Variants in CHD2 observed in about 807,000 individuals in gnomAD.
CHD2 encodes chromodomain helicase DNA binding protein 2.
A neutral mutation model predicts 243.9 loss-of-function variants in CHD2; 28 were observed. The observed-to-expected ratio is 0.11, with a 90% confidence interval of 0.09 to 0.16. The LOEUF is 0.16. Among genes scored for constraint, CHD2 ranks in the 10% least tolerant of loss-of-function variants. The probability of loss-of-function intolerance (pLI) is 1.00; values close to 1 mark genes in which losing one functional copy is unlikely to be tolerated. For missense variants in CHD2, 1,386 were observed against 2,209.8 expected, an observed-to-expected ratio of 0.63 and a Z score of 7.47; for synonymous variants, 775 against 779.0, an observed-to-expected ratio of 0.99 and a Z score of 0.09.
At chr15:92,938,881 G>A (rs1225278462) in intron 6 of CHD2, among the ~76,000 whole-genome samples, 1 of 152,160 alleles carries the variant, frequency 6.6e-6, no homozygotes, top group African/African-American at 2.4e-5. Flanking sequence ...AGGGCACACA[G>A]TCTCTCAGGT....
chr15:93,003,546 G>T (rs2054283765), intron 33 of CHD2, among the ~76,000 whole-genome samples: 2 of 146,838 alleles, frequency 1.4e-5, no homozygotes, highest in African/African-American at 2.5e-5. Context: ...CACAACTGTT[G>T]TTAATATTTT....
chr15:92,948,967 C>T lies in CHD2; in HGVS notation c.1393C>T (p.Pro465Ser), dbSNP rs746096912. 2.5e-6 allele frequency: 4 copies of T among 1,613,370 alleles called. No homozygotes were observed. The East Asian group carries it at 6.7e-5, about 27-fold the overall frequency. Residue 465 changes from proline (P) to serine (S), a missense_variant, in exon 13 of 39, where the codon CCA becomes TCA. Physicochemically the swap from Pro to Ser is moderately conservative, Grantham distance 74. Around this residue, in one of 19 missense-constraint regions of CHD2, gnomAD observed 200 missense variants for 292.5 expected, o/e 0.68. Transcript: ENST00000394196. ...TRECKALKQR[P>S]RFVALKKQPA... ...TGTTTTTCAGGCCCTGAAGCAGAGA[C>T]CACGATTTGTAGCTTTAAAGAAACA...
intron 19 of CHD2, among the ~76,000 whole-genome samples, chr15:92,973,083 C>T (rs1191762393): frequency 6.6e-6 from 1 of 152,090 alleles, no homozygotes; most frequent in East Asian, 1.9e-4. Flanking sequence ...TCCAGGAGCC[C>T]AAATCCTAGA....
Position 92,984,795 on chromosome 15 carries a change from C to T in CHD2, c.3237+295C>T, listed in dbSNP as rs547053239. Among the ~76,000 whole-genome samples the T allele has an allele frequency of 7.2e-5, 11 of 152,314 alleles. No individual in the cohort carries two copies. The East Asian group carries it at 1.2e-3, about 16-fold the overall frequency. ...CCTTTGAGTAGTCCTCACAGTTTGG[C>T]TGTTAATTGCCACTGCCTTCAACTT... is the stretch of plus-strand genomic sequence containing the variant. On this transcript the variant is annotated intron_variant, in intron 25 of 38. Coordinates refer to ENST00000394196, the MANE Select transcript of CHD2 (RefSeq NM_001271.4).
chr15:93,016,723 G>C (rs1033337903), intron 37 of CHD2, among the ~76,000 whole-genome samples: 5 of 136,950 alleles, frequency 3.7e-5, no homozygotes, highest in African/African-American at 8.0e-5. Context: ...TGGAGGTTGC[G>C]GTGAGCCAGG....
intron 34 of CHD2, 110 bp from the exon 35 acceptor site, chr15:93,009,035 A>C: frequency 8.2e-7 from 1 of 1,220,948 alleles, no homozygotes; most frequent in Non-Finnish European, 1.1e-6. Flanking sequence ...TTCCTCTAGC[A>C]ATTATATGGC....
intron 2 of CHD2, among the ~76,000 whole-genome samples, chr15:92,919,270 C>T (rs1414731390): frequency 3.3e-5 from 5 of 151,392 alleles, no homozygotes; most frequent in East Asian, 1.9e-4. Context: ...ATTCCTCTTA[C>T]GAGAAGTATG....
intron 16 of CHD2, among the ~76,000 whole-genome samples, chr15:92,960,351 T>C (rs192811861): frequency 1.3e-5 from 2 of 152,328 alleles, no homozygotes; most frequent in East Asian, 3.9e-4. Context: ...CTTATTGTAT[T>C]GGCAGGAACC....
intron 2 of CHD2, among the ~76,000 whole-genome samples, chr15:92,912,156 T>G (rs1596369152): frequency 1.3e-5 from 2 of 152,246 alleles, no homozygotes; most frequent in East Asian, 1.9e-4. Context: ...TGTTTTTTTT[T>G]GTTCGAAACT....
intron 8 of CHD2, among the ~76,000 whole-genome samples, chr15:92,942,447 G>A (rs1253583032): frequency 2.0e-5 from 3 of 150,396 alleles, no homozygotes; most frequent in Admixed American, 6.6e-5. Flanking sequence ...TTCGATTGAG[G>A]TTAAGAAAGT....
At chr15:92,918,097 A>T (rs2052877951) in intron 2 of CHD2, among the ~76,000 whole-genome samples, 1 of 152,216 alleles carries the variant, frequency 6.6e-6, no homozygotes, top group Admixed American at 6.5e-5. Flanking sequence ...GCTCCTTTTA[A>T]GTGGAATGTT....
Position 92,985,640 on chromosome 15 carries a change from T to C in CHD2, c.3380T>C (p.Leu1127Pro). Residue 1127 changes from leucine (L) to proline (P), a missense_variant, in exon 26 of 39, where the codon CTC becomes CCC. Coordinates refer to ENST00000394196, the MANE Select transcript of CHD2 (RefSeq NM_001271.4). The stretch of plus-strand genomic sequence containing the variant: ...CGTCCGAGGAGTGTGCGGAAGGACC[T>C]CGTGGAGGGATTTACTGATGCAGAG... ...RGRPRSVRKD[L>P]VEGFTDAEIR... The C allele has an allele frequency of 1.2e-6, 2 of 1,613,116 alleles. No individual in the cohort carries two copies. Among genetic ancestry groups the C allele is most frequent in the Non-Finnish European group, 1.7e-6 (2 of 1,179,866 alleles).
In CHD2 at chr15:92,952,807, T is replaced by G. The variant is rs920258950; in HGVS notation, c.1503-550T>G. Reference sequence around the variant, plus strand: ...TTTTCCATATATTGTTTAGTATATCTAGGGTGGGGTCCACAAGTATGATCT... The same window carrying G: ...TTTTCCATATATTGTTTAGTATATCGAGGGTGGGGTCCACAAGTATGATCT... On this transcript the variant is annotated intron_variant, in intron 13 of 38. Coordinates refer to ENST00000394196, the MANE Select transcript of CHD2 (RefSeq NM_001271.4). 2.0e-5 allele frequency among the ~76,000 whole-genome samples: 3 copies of G among 152,230 alleles called. No individual in the cohort carries two copies. The South Asian group carries it at 6.2e-4, about 32-fold the overall frequency.
intron 15 of CHD2, among the ~76,000 whole-genome samples, chr15:92,955,787 C>T (rs946444141): frequency 2.0e-5 from 3 of 152,106 alleles, no homozygotes; most frequent in Non-Finnish European, 2.9e-5. Context: ...CCTTAGGTCA[C>T]CAAGTCCAGT....
At chr15:92,951,891 G>A (rs991637146) in intron 13 of CHD2, among the ~76,000 whole-genome samples, 4 of 152,186 alleles carry the variant, frequency 2.6e-5, no homozygotes, top group African/African-American at 9.7e-5. Context: ...AACACAGAAG[G>A]TATTTTTAGA....
Position 92,971,399 on chromosome 15 carries a change from T to C in CHD2, c.2190-366T>C, listed in dbSNP as rs2053839223. Among the ~76,000 whole-genome samples, 9 of 152,296 alleles carry C rather than the reference T, an allele frequency of 5.9e-5. No homozygotes were observed. In the South Asian group the frequency reaches 1.7e-3, roughly 28 times the overall value. The stretch of plus-strand genomic sequence containing the variant: ...TCAGCCTTTGTGTACACACACACAC[T>C]TAAATATGTATAAAGTACATGTGTG... On this transcript the variant is annotated intron_variant, in intron 17 of 38. Transcript: ENST00000394196.
At chr15:93,008,344 C>CT (rs1259057100) in intron 34 of CHD2, among the ~76,000 whole-genome samples, 1 of 152,138 alleles carries the variant, frequency 6.6e-6, no homozygotes, top group Admixed American at 6.5e-5. Flanking sequence ...GAGAATAAGT[C>CT]TTTATATTTG....
chr15:92,940,822 AATATTAT>A (rs2053353511), intron 7 of CHD2, among the ~76,000 whole-genome samples: 1 of 142,744 alleles, frequency 7.0e-6, no homozygotes, highest in Admixed American at 7.4e-5. Context: ...AATATATATA[AATATTAT>A]AAATATATAA....
intron 27 of CHD2, among the ~76,000 whole-genome samples, 166 bp from the exon 28 acceptor site, chr15:92,992,693 A>G (rs190605091): frequency 2.6e-5 from 4 of 152,366 alleles, no homozygotes; most frequent in African/African-American, 9.6e-5. Context: ...GTTAGCCTTC[A>G]GTCAATGTCC....
Sources: allele counts gnomAD v4.1 joint callset (sites outside exome capture counted in the v4.1 genomes callset), GRCh38; gene constraint gnomAD v4.1.1; regional missense constraint gnomAD v4.1.1; transcripts MANE v1.5; gene names NCBI Gene and HGNC (gene_info 2026-07-23, HGNC 2026-07-21).